The following XKR9 variants were observed in gnomAD, a reference collection of about 807,000 sequenced individuals.
XKR9 encodes the protein XK-related protein 9.
Under a neutral mutation model 32.0 loss-of-function variants are expected in XKR9, and 32 were observed. The observed-to-expected ratio is 1.00, with a 90% confidence interval of 0.76 to 1.34. The LOEUF (loss-of-function observed/expected upper bound fraction) is 1.34. XKR9 is among the 40% of genes most tolerant of loss of function. XKR9 has a pLI of 0.00. For missense variants in XKR9, 546 were observed against 429.7 expected, an observed-to-expected ratio of 1.27 and a Z score of -2.39; for synonymous variants, 168 against 143.4, an observed-to-expected ratio of 1.17 and a Z score of -1.22.
chr8:70,995,396 A>G, the XKR9 span, among the ~76,000 whole-genome samples: 28 of 152,312 alleles, frequency 1.8e-4, 1 homozygote, highest in South Asian at 3.9e-3. Flanking sequence ...TTGAATTGAC[A>G]TATGGCATAT....
the XKR9 span, among the ~76,000 whole-genome samples, chr8:71,054,289 G>A: frequency 6.6e-6 from 1 of 152,166 alleles, no homozygotes; most frequent in African/African-American, 2.4e-5. Context: ...TTTCAAAATA[G>A]TATTTTTGGC....
intron 2 of XKR9, among the ~76,000 whole-genome samples, chr8:70,769,671 CTTTATTTCA>C (rs1374854627): frequency 6.6e-6 from 1 of 151,646 alleles, no homozygotes; most frequent in Non-Finnish European, 1.5e-5. Context: ...TGTCTTCATC[CTTTATTTCA>C]TTAATTTGAT....
At chr8:70,709,946 C>T (rs1164964512) in intron 4 of XKR9, among the ~76,000 whole-genome samples, 1 of 151,958 alleles carries the variant, frequency 6.6e-6, no homozygotes, top group Non-Finnish European at 1.5e-5. Flanking sequence ...AAAAGATTCT[C>T]AAATTCATAT....
chr8:70,917,571 C>A, the XKR9 span, among the ~76,000 whole-genome samples: 1 of 151,912 alleles, frequency 6.6e-6, no homozygotes, highest in Non-Finnish European at 1.5e-5. Context: ...AGGATGTAAC[C>A]CCATCATAAG....
intron 2 of XKR9, among the ~76,000 whole-genome samples, chr8:70,741,508 A>C (rs1399537308): frequency 6.6e-6 from 1 of 152,228 alleles, no homozygotes; most frequent in East Asian, 1.9e-4. Context: ...GTCTTTTGTT[A>C]CTGGCTTAGT....
chr8:70,770,422 G>A (rs1807438087), intron 2 of XKR9, among the ~76,000 whole-genome samples: 1 of 152,108 alleles, frequency 6.6e-6, no homozygotes, highest in African/African-American at 2.4e-5. Context: ...CAGTCTGTCT[G>A]TAGCAGAGCT....
intron 2 of XKR9, among the ~76,000 whole-genome samples, chr8:70,741,987 A>G (rs1233355686): frequency 6.6e-6 from 1 of 151,284 alleles, no homozygotes; most frequent in Non-Finnish European, 1.5e-5. Context: ...TCTTTTGATA[A>G]TGGTCACCCT....
At chr8:70,812,135 A>G in the XKR9 span, among the ~76,000 whole-genome samples, 8 of 152,238 alleles carry the variant, frequency 5.3e-5, no homozygotes, top group East Asian at 1.5e-3. Flanking sequence ...GGCTAGTTCA[A>G]CATACGCAAA....
intron 3 of XKR9, among the ~76,000 whole-genome samples, chr8:70,701,219 C>T (rs113231090): frequency 6.6e-6 from 1 of 152,188 alleles, no homozygotes; most frequent in African/African-American, 2.4e-5. Flanking sequence ...CTCTGGCACT[C>T]CCTAGTGAGA....
chr8:71,044,176 T>C, the XKR9 span, among the ~76,000 whole-genome samples: 7 of 152,238 alleles, frequency 4.6e-5, no homozygotes, highest in African/African-American at 1.4e-4. Context: ...ACATGCTATA[T>C]ACATAGATTT....
chr8:70,728,235 C>T (rs1047302284), intron 4 of XKR9, among the ~76,000 whole-genome samples: 11 of 152,136 alleles, frequency 7.2e-5, no homozygotes, highest in African/African-American at 2.7e-4. Flanking sequence ...ATGGTGGTTT[C>T]AATCCCTCTC....
chr8:70,907,538 C>T, the XKR9 span, among the ~76,000 whole-genome samples: 1 of 152,104 alleles, frequency 6.6e-6, no homozygotes, highest in Non-Finnish European at 1.5e-5. Flanking sequence ...CATATATGCA[C>T]TGAAGAAAGG....
At chr8:70,752,624 A>G (rs183198615) in intron 2 of XKR9, among the ~76,000 whole-genome samples, 1 of 152,340 alleles carries the variant, frequency 6.6e-6, no homozygotes, top group African/African-American at 2.4e-5. Context: ...AATGAGGACC[A>G]TGCGTCCACA....
At chr8:70,710,595 C>G (rs1438437846) in intron 4 of XKR9, among the ~76,000 whole-genome samples, 1 of 152,052 alleles carries the variant, frequency 6.6e-6, no homozygotes, top group South Asian at 2.1e-4. Flanking sequence ...CCTAGCTATT[C>G]AGGAGGCTGA....
the XKR9 span, among the ~76,000 whole-genome samples, chr8:70,917,404 T>G: frequency 6.6e-6 from 1 of 152,334 alleles, no homozygotes; most frequent in East Asian, 1.9e-4. Context: ...CTTATCTGTT[T>G]TGTTCACGTC....
the XKR9 span, among the ~76,000 whole-genome samples, chr8:70,914,142 G>C: frequency 2.0e-5 from 3 of 152,118 alleles, no homozygotes; most frequent in Admixed American, 6.6e-5. Context: ...ATAGCTCACT[G>C]TAGCCTTGGT....
the XKR9 span, among the ~76,000 whole-genome samples, chr8:70,812,261 T>C: frequency 6.6e-6 from 1 of 152,164 alleles, no homozygotes; most frequent in East Asian, 1.9e-4. Flanking sequence ...GTACAAACTC[T>C]GATTAAATTA....
At chr8:70,899,287 A>AT in the XKR9 span, among the ~76,000 whole-genome samples, 3,195 of 151,812 alleles carry the variant, frequency 0.021, 94 homozygotes, top group African/African-American at 0.074. Flanking sequence ...CTTTCATTGA[A>AT]TTTTTTCAAG....
chr8:70,736,161 T>G (rs1383888829), downstream of XKR9, among the ~76,000 whole-genome samples: 3 of 151,900 alleles, frequency 2.0e-5, no homozygotes, highest in African/African-American at 7.2e-5. Flanking sequence ...CCATTCTAAC[T>G]GGTGTGAGAT....
Sources: gnomAD v4.1 joint callset for allele counts (sites outside exome capture counted in the v4.1 genomes callset) on GRCh38, gnomAD v4.1.1 for gene constraint, MANE v1.5 for transcripts, NCBI Gene and HGNC (gene_info 2026-07-23, HGNC 2026-07-21) for gene names.